Variants in ADCY2 observed in about 807,000 individuals in gnomAD.
ADCY2 encodes adenylate cyclase 2.
ADCY2 carries 31 observed loss-of-function variants against 125.2 expected under a neutral mutation model. The ratio of observed to expected loss-of-function variants is 0.25; its 90% CI spans 0.19 to 0.33. The LOEUF is 0.33. Ranked by LOEUF, ADCY2 falls within the 10% of genes least tolerant of loss-of-function variation. ADCY2 has a pLI of 1.00. For missense variants in ADCY2, 904 were observed against 1,418.2 expected (o/e 0.64, Z 5.82); for synonymous variants, 512 against 548.4 (o/e 0.93, Z 0.93).
At chr5:7,687,234 T>G (rs1459217199) in intron 4 of ADCY2, among the ~76,000 whole-genome samples, 17 of 152,338 alleles carry the variant, frequency 1.1e-4, no homozygotes, top group Non-Finnish European at 4.4e-5. Flanking sequence ...ATAAAGATTT[T>G]AACTTACATT....
At chr5:7,823,409 G>A (rs920516411) in intron 24 of ADCY2, among the ~76,000 whole-genome samples, 6 of 152,200 alleles carry the variant, frequency 3.9e-5, no homozygotes, top group Non-Finnish European at 8.8e-5. Context: ...TGGAGCTGTG[G>A]TCATCATCTG....
chr5:7,692,850 C>T (rs926952945), intron 5 of ADCY2, among the ~76,000 whole-genome samples: 1 of 152,146 alleles, frequency 6.6e-6, no homozygotes, highest in African/African-American at 2.4e-5. Flanking sequence ...CTTACCTCCT[C>T]TCGGTTTCTC....
At chr5:7,485,662 A>G (rs893148247) in intron 2 of ADCY2, among the ~76,000 whole-genome samples, 1 of 152,210 alleles carries the variant, frequency 6.6e-6, no homozygotes, top group Non-Finnish European at 1.5e-5. Flanking sequence ...ACATAATTAT[A>G]TAAATATGCA....
chr5:7,492,590 A>T (rs1743202804), intron 2 of ADCY2, among the ~76,000 whole-genome samples: 1 of 152,190 alleles, frequency 6.6e-6, no homozygotes, highest in Non-Finnish European at 1.5e-5. Context: ...GATCTTATAG[A>T]TCAGTTAGAT....
At chr5:7,414,793 G>A in intron 2 of ADCY2, 23 bp downstream of exon 2, 2 of 1,581,738 alleles carry the variant, frequency 1.3e-6, no homozygotes, top group South Asian at 1.2e-5. Flanking sequence ...AATATTTTTT[G>A]TACTTCTTTT....
intron 2 of ADCY2, among the ~76,000 whole-genome samples, chr5:7,431,013 A>C (rs1428971361): frequency 6.6e-6 from 1 of 152,192 alleles, no homozygotes; most frequent in Non-Finnish European, 1.5e-5. Context: ...GTACAATCCT[A>C]ATTGAAGTCC....
intron 4 of ADCY2, among the ~76,000 whole-genome samples, chr5:7,629,474 T>C (rs1481605010): frequency 6.6e-6 from 1 of 152,214 alleles, no homozygotes; most frequent in African/African-American, 2.4e-5. Context: ...CATGCTTGAA[T>C]AAAGTGGCCA....
chr5:7,791,849 T>C (rs1744256466), intron 20 of ADCY2, among the ~76,000 whole-genome samples: 1 of 151,952 alleles, frequency 6.6e-6, no homozygotes, highest in African/African-American at 2.4e-5. Flanking sequence ...CCAAGGACAC[T>C]GGGATGTAAA....
intron 2 of ADCY2, among the ~76,000 whole-genome samples, chr5:7,442,497 G>T (rs1741051836): frequency 6.6e-6 from 1 of 152,238 alleles, no homozygotes; most frequent in South Asian, 2.1e-4. Flanking sequence ...GTGTTCCCCT[G>T]GTTGTGATCA....
At chr5:7,577,442 C>T (rs982480553) in intron 3 of ADCY2, among the ~76,000 whole-genome samples, 1 of 152,124 alleles carries the variant, frequency 6.6e-6, no homozygotes, top group African/African-American at 2.4e-5. Flanking sequence ...TTTTGATACT[C>T]ATATAGCTAG....
chr5:7,465,188 A>G (rs933157628), intron 2 of ADCY2, among the ~76,000 whole-genome samples: 3 of 152,246 alleles, frequency 2.0e-5, no homozygotes, highest in Non-Finnish European at 4.4e-5. Flanking sequence ...GGGTGGCGAC[A>G]CAGCCAAACC....
At chr5:7,519,461 C>A (rs183403962) in intron 2 of ADCY2, among the ~76,000 whole-genome samples, 1 of 152,118 alleles carries the variant, frequency 6.6e-6, no homozygotes, top group Admixed American at 6.5e-5. Context: ...AGTCAAGAGC[C>A]GCATGGGAAG....
chr5:7,568,774 A>G (rs1252317618), intron 3 of ADCY2, among the ~76,000 whole-genome samples: 1 of 152,210 alleles, frequency 6.6e-6, no homozygotes, highest in Non-Finnish European at 1.5e-5. Flanking sequence ...ATTTCATTCT[A>G]TTCAACTGAC....
intron 3 of ADCY2, among the ~76,000 whole-genome samples, chr5:7,575,859 C>A (rs909104971): frequency 3.3e-5 from 5 of 152,112 alleles, no homozygotes; most frequent in African/African-American, 1.2e-4. Flanking sequence ...AAAACAAAAT[C>A]TGCATCTTTA....
chr5:7,435,856 C>CAGTT (rs970093136), intron 2 of ADCY2, among the ~76,000 whole-genome samples: 3 of 152,188 alleles, frequency 2.0e-5, no homozygotes, highest in African/African-American at 7.2e-5. Flanking sequence ...GATAACTGAG[C>CAGTT]AGTTTTTTCC....
chr5:7,562,499 G>A (rs1358386270), intron 3 of ADCY2, among the ~76,000 whole-genome samples: 2 of 152,050 alleles, frequency 1.3e-5, no homozygotes, highest in East Asian at 3.9e-4. Context: ...TGTACAAAAT[G>A]ACTAGTGTCA....
At chr5:7,727,102 G>T in intron 13 of ADCY2, 62 bp from the exon 14 acceptor site, 1 of 1,282,566 alleles carries the variant, frequency 7.8e-7, no homozygotes. Context: ...TAGGCTGCTG[G>T]ACACTGTGTG....
chr5:7,473,353 G>A (rs1742409299), intron 2 of ADCY2, among the ~76,000 whole-genome samples: 1 of 152,106 alleles, frequency 6.6e-6, no homozygotes, highest in South Asian at 2.1e-4. Flanking sequence ...CACATGGTGA[G>A]AGAGAAGCAA....
At chr5:7,792,804 C>T (rs16879109) in intron 20 of ADCY2, among the ~76,000 whole-genome samples, 15,473 of 152,254 alleles carry the variant, frequency 0.1, 1,921 homozygotes, top group African/African-American at 0.3. Context: ...CTTCCCTGTC[C>T]GAGCCTCGCC....
Sources: allele counts gnomAD v4.1 joint callset (sites outside exome capture counted in the v4.1 genomes callset), GRCh38; gene constraint gnomAD v4.1.1; transcripts MANE v1.5; gene names NCBI Gene and HGNC (gene_info 2026-07-23, HGNC 2026-07-21).